The following CACNG7 variants were observed in gnomAD, a reference collection of about 807,000 sequenced individuals.
CACNG7 encodes the protein calcium voltage-gated channel auxiliary subunit gamma 7.
Under a neutral mutation model 26.3 loss-of-function variants are expected in CACNG7, and 9 were observed. The ratio of observed to expected loss-of-function variants is 0.34; its 90% CI spans 0.21 to 0.60. The LOEUF is 0.60. CACNG7 is among the 20% of genes least tolerant of loss of function. The pLI, the probability that CACNG7 is intolerant of heterozygous loss-of-function variation, is 0.81. For missense variants in CACNG7, 297 were observed against 380.4 expected (o/e 0.78, Z 1.82); for synonymous variants, 170 against 157.0 (o/e 1.08, Z -0.62).
At position 53,941,536 on chromosome 19, in the gene CACNG7, C is replaced by T; in HGVS notation, c.491C>T (p.Pro164Leu). The part of the protein sequence containing the change: ...SSINDEVMNR[P>L]SSSEQYFHYR... Reference sequence around the variant, plus strand: ...ATCAACGACGAGGTCATGAACAGGCCCAGCAGCTCTGAGCAGTATTTTCAT... The same window carrying T: ...ATCAACGACGAGGTCATGAACAGGCTCAGCAGCTCTGAGCAGTATTTTCAT... The change falls in exon 5 of 6, where the codon CCC (proline) becomes CTC (leucine). Residue 164 changes from proline (P) to leucine (L), a missense_variant. Transcript: ENST00000391767. The T allele has an allele frequency of 6.2e-7, 1 of 1,605,506 alleles. No individual in the cohort carries two copies. Among genetic ancestry groups the T allele is most frequent in the Non-Finnish European group, 8.5e-7 (1 of 1,177,032 alleles).
chr19:53,921,347 T>C (rs766307534), intron 4 of CACNG7, among the ~76,000 whole-genome samples: 7,259 of 83,622 alleles, frequency 0.087, no homozygotes, highest in East Asian at 0.15. Flanking sequence ...TGCCCCAGGC[T>C]GGTCATTGGT....
intron 2 of CACNG7, among the ~76,000 whole-genome samples, chr19:53,913,758 T>C (rs547912086): frequency 8.7e-4 from 112 of 128,934 alleles, no homozygotes; most frequent in Non-Finnish European, 1.5e-3. Context: ...TACTCCAACC[T>C]GGGTGACAGA....
intron 4 of CACNG7, among the ~76,000 whole-genome samples, chr19:53,937,141 C>T (rs918227305): frequency 3.3e-5 from 5 of 152,084 alleles, no homozygotes; most frequent in Admixed American, 2.6e-4. Flanking sequence ...CTGCCCACCT[C>T]GGCCTCCCGA....
intron 4 of CACNG7, among the ~76,000 whole-genome samples, chr19:53,930,843 TTGGCTTTAGC>T (rs2069066911): frequency 6.6e-6 from 1 of 152,192 alleles, no homozygotes; most frequent in South Asian, 2.1e-4. Flanking sequence ...CAGATTTTTT[TTGGCTTTAGC>T]ATTTGAAAGT....
chr19:53,918,471 T>A (rs2068912536), intron 4 of CACNG7, among the ~76,000 whole-genome samples: 4 of 151,234 alleles, frequency 2.6e-5, no homozygotes, highest in Non-Finnish European at 5.9e-5. Flanking sequence ...TTCTTTTGAT[T>A]TTTTTTTAAA....
intron 4 of CACNG7, among the ~76,000 whole-genome samples, chr19:53,919,305 A>G (rs902082067): frequency 6.6e-6 from 1 of 152,244 alleles, no homozygotes; most frequent in Non-Finnish European, 1.5e-5. Context: ...AGAGAGAGAA[A>G]GACAGGGATT....
intron 4 of CACNG7, among the ~76,000 whole-genome samples, chr19:53,928,329 T>G (rs2069047712): frequency 6.6e-6 from 1 of 152,038 alleles, no homozygotes; most frequent in Non-Finnish European, 1.5e-5. Flanking sequence ...TGGAGTGCAA[T>G]GGTGCAATGT....
At chr19:53,937,747 C>T (rs963674949) in intron 4 of CACNG7, among the ~76,000 whole-genome samples, 1 of 152,018 alleles carries the variant, frequency 6.6e-6, no homozygotes, top group Non-Finnish European at 1.5e-5. Flanking sequence ...TGTGCCATCG[C>T]ACCCAGCTAA....
intron 4 of CACNG7, among the ~76,000 whole-genome samples, chr19:53,917,150 C>A (rs1192896021): frequency 1.3e-5 from 2 of 152,124 alleles, no homozygotes; most frequent in African/African-American, 4.8e-5. Flanking sequence ...TCAGTCCAAT[C>A]CAATTCAGTC....
intron 4 of CACNG7, among the ~76,000 whole-genome samples, chr19:53,921,209 A>C (rs1282760792): frequency 8.2e-5 from 7 of 85,012 alleles, no homozygotes; most frequent in African/African-American, 5.1e-4. Flanking sequence ...AGTTGTCCCC[A>C]GGCCTGGTAT....
rs2069127618 is a variant in CACNG7, at chr19:53,939,976, T to C, written c.425-1494T>C. Among the ~76,000 whole-genome samples, 2 of 152,090 alleles carry C rather than the reference T, an allele frequency of 1.3e-5. No homozygotes were observed. The highest frequency in any genetic ancestry group is 2.9e-5 in the Non-Finnish European group (2 of 68,006). Reference sequence around the variant, plus strand: ...ATACACAATGAGGGGGTGAGCTGGGTTTCGTCCATGGACCATGGTTTGCCG... The same window carrying C: ...ATACACAATGAGGGGGTGAGCTGGGCTTCGTCCATGGACCATGGTTTGCCG... On this transcript the variant is annotated intron_variant, in intron 4 of 5. Coordinates refer to ENST00000391767, the MANE Select transcript of CACNG7 (RefSeq NM_031896.5). This position sits in a 1 kb window ranked among gnomAD's most constrained non-coding sequence, Gnocchi z 4.2.
At chr19:53,910,600 T>G (rs1204797489) in intron 1 of CACNG7, among the ~76,000 whole-genome samples, 1 of 152,114 alleles carries the variant, frequency 6.6e-6, no homozygotes, top group African/African-American at 2.4e-5. Flanking sequence ...AGGTCTCTGG[T>G]TGATAAAGGC....
At chr19:53,924,037 C>T (rs1169640922) in intron 4 of CACNG7, among the ~76,000 whole-genome samples, 1 of 143,760 alleles carries the variant, frequency 7.0e-6, no homozygotes, top group Non-Finnish European at 1.5e-5. Flanking sequence ...GTGGAGTTGC[C>T]CCAGGCCTGG....
Position 53,942,289 on chromosome 19 carries a change from G to C in CACNG7, c.824G>C (p.Cys275Ser), listed in dbSNP as rs1172288425. 2 of 1,608,030 alleles carry C rather than the reference G, an allele frequency of 1.2e-6. No homozygotes were observed. Among genetic ancestry groups the C allele is most frequent in the Admixed American group, 1.7e-5 (1 of 59,896 alleles). ...CACCTGCACATCTCCACCTCGCCCT[G>C]CTGAGGCCCGCCCCTCGGAGCTCCC... is the stretch of plus-strand genomic sequence containing the variant. Reference protein sequence around the residue: ...PDHLHISTSPC With the variant: ...PDHLHISTSPS Residue 275 changes from cysteine (C) to serine (S), a missense_variant, in exon 6 of 6, where the codon TGC becomes TCC. Cys to Ser is a moderately radical substitution (Grantham distance 112). Coordinates refer to ENST00000391767, the MANE Select transcript of CACNG7 (RefSeq NM_031896.5). This position sits in a 1 kb window ranked among gnomAD's most constrained non-coding sequence, Gnocchi z 5.9.
chr19:53,920,326 C>T (rs1309668520), intron 4 of CACNG7, among the ~76,000 whole-genome samples: 2 of 117,000 alleles, frequency 1.7e-5, no homozygotes, highest in Non-Finnish European at 3.4e-5. Flanking sequence ...TGGAGTTGCC[C>T]CAGGTCTGGT....
At chr19:53,923,549 T>TC (rs1214993777) in intron 4 of CACNG7, among the ~76,000 whole-genome samples, 1 of 55,408 alleles carries the variant, frequency 1.8e-5, no homozygotes, top group African/African-American at 8.9e-5. Flanking sequence ...GGTGGAGTTG[T>TC]CCCAGGTCTG....
At chr19:53,928,280 T>C (rs948452723) in intron 4 of CACNG7, among the ~76,000 whole-genome samples, 20 of 150,992 alleles carry the variant, frequency 1.3e-4, no homozygotes, top group East Asian at 1.2e-3. Context: ...TATTTATTTA[T>C]TTACTTATTG....
intron 3 of CACNG7, 64 bp downstream of exon 3, chr19:53,914,650 G>GCCCCCTCCCA: frequency 6.9e-7 from 1 of 1,454,004 alleles, no homozygotes; most frequent in Non-Finnish European, 9.7e-7. Context: ...GTGGAGTCCT[G>GCCCCCTCCCA]GGAGGGGGCA....
At chr19:53,921,084 C>CATTGGTGGAGTTGTCCCCAGGCCTGGT (rs2068944955) in intron 4 of CACNG7, among the ~76,000 whole-genome samples, 1 of 81,132 alleles carries the variant, frequency 1.2e-5, no homozygotes, top group Admixed American at 1.1e-4. Context: ...CAGGTCTGGT[C>CATTGGTGGAGTTGTCCCCAGGCCTGGT]ATTGGTGGAG....
Sources: gnomAD v4.1 joint callset for allele counts (sites outside exome capture counted in the v4.1 genomes callset) on GRCh38, gnomAD v4.1.1 for gene constraint, Gnocchi (gnomAD v3.1) non-coding constraint, MANE v1.5 for transcripts, NCBI Gene and HGNC (gene_info 2026-07-23, HGNC 2026-07-21) for gene names.